The following AK2 variants were observed in gnomAD, a reference collection of about 807,000 sequenced individuals.
The protein encoded by AK2 is adenylate kinase 2.
AK2 carries 15 observed loss-of-function variants against 24.6 expected under a neutral mutation model. The observed-to-expected ratio is 0.61, with a 90% CI of 0.41 to 0.94. The LOEUF (loss-of-function observed/expected upper bound fraction) is 0.94, where lower values mean the gene tolerates loss of function less well. Ranked by LOEUF, AK2 falls within the 40% of genes least tolerant of loss-of-function variation. The pLI, the probability that AK2 is intolerant of heterozygous loss-of-function variation, is 0.00. For missense variants in AK2, 257 were observed against 304.1 expected (o/e 0.85, Z 1.15); for synonymous variants, 102 against 114.0 (o/e 0.90, Z 0.67).
At chr1:33,034,869 C>T (rs925441721) in intron 1 of AK2, among the ~76,000 whole-genome samples, 3 of 151,914 alleles carry the variant, frequency 2.0e-5, no homozygotes, top group Non-Finnish European at 2.9e-5. Flanking sequence ...GGCAACATAG[C>T]AAGACCCTGT....
rs548279974 is a variant in AK2 at position 33,021,729 on chromosome 1, T to C, written c.220-26A>G. On this transcript the variant is annotated intron_variant, in intron 2 of 5. Coordinates refer to ENST00000672715, the MANE Select transcript of AK2 (RefSeq NM_001625.4). ...CTGGAAGTTAGGAACAAAATAGCCT[T>C]GGGTTTAAATCCATTACCTAGGTGA... 3.8e-6 allele frequency: 6 copies of C among 1,573,434 alleles called. No individual in the cohort carries two copies. In the East Asian group the frequency reaches 6.7e-5, roughly 18 times the overall value.
rs1436791246 is a variant in AK2, at chr1:33,008,038, T to A, written c.*5143A>T. The A allele has an allele frequency of 1.3e-5, 6 of 453,994 alleles. No individual in the cohort carries two copies. Among genetic ancestry groups the A allele is most frequent in the African/African-American group, 4.0e-5 (2 of 49,990 alleles). 28.1% of individuals were successfully genotyped at this position (453,994 alleles called of 1,614,324 possible). A position where few individuals can be genotyped will look rare whatever the true frequency, so the allele number is the denominator to read the frequency against. ...GACTATTATTAATTATGAAAACACA[T>A]AAAGAATTCTGCATATAATTTCAGA... On this transcript the variant is annotated 3_prime_UTR_variant, in exon 6 of 6. Transcript: ENST00000672715.
chr1:33,031,129 G>T (rs1248801255), intron 1 of AK2: 1 of 152,234 alleles, frequency 6.6e-6, no homozygotes, highest in Admixed American at 6.5e-5. Context: ...GAGAACTTCA[G>T]CAAATTGTAG....
chr1:33,033,830 T>C lies in AK2; in HGVS notation c.93+2906A>G, dbSNP rs78981794. On this transcript the variant is annotated intron_variant, in intron 1 of 5. Transcript: ENST00000672715. Reference sequence around the variant, plus strand: ...AAAGTTAAGGTGTATGAGATGTCTCTGCAGGCTAAATGTTATTGTAGGCTA... The same window carrying C: ...AAAGTTAAGGTGTATGAGATGTCTCCGCAGGCTAAATGTTATTGTAGGCTA... Among the ~76,000 whole-genome samples, 98 of 152,324 alleles carry C rather than the reference T, an allele frequency of 6.4e-4. 1 individual carries two copies. In the East Asian group the frequency reaches 0.016, roughly 25 times the overall value.
chr1:33,025,284 G>C (rs1475629528), intron 1 of AK2, among the ~76,000 whole-genome samples: 3 of 151,802 alleles, frequency 2.0e-5, no homozygotes, highest in African/African-American at 7.3e-5. Flanking sequence ...TAATGCACTT[G>C]GTACAACACC....
intron 4 of AK2, chr1:33,020,185 T>G: frequency 8.9e-7 from 1 of 1,124,066 alleles, no homozygotes; most frequent in Non-Finnish European, 1.2e-6. Flanking sequence ...ACAAACATGT[T>G]AAAACACACA....
In AK2 at chr1:33,021,747, C is replaced by A. The variant is rs775406905; in HGVS notation, c.220-44G>T. ...ATAGCCTTGGGTTTAAATCCATTACCTAGGTGACTGACATTAGCCCAACTC... is the reference window on the plus strand; with the variant it reads ...ATAGCCTTGGGTTTAAATCCATTACATAGGTGACTGACATTAGCCCAACTC... On this transcript the variant is annotated intron_variant, in intron 2 of 5. Coordinates refer to ENST00000672715, the MANE Select transcript of AK2 (RefSeq NM_001625.4). 48 of 1,477,988 alleles carry A rather than the reference C, an allele frequency of 3.2e-5. No homozygotes were observed. The South Asian group carries it at 4.8e-4, about 15-fold the overall frequency. 91.6% of individuals were successfully genotyped at this position (1,477,988 alleles called of 1,614,324 possible).
At position 33,009,199 on chromosome 1, in the gene AK2, G is replaced by A; in HGVS notation, c.*3982C>T. On this transcript the variant is annotated 3_prime_UTR_variant, in exon 6 of 6. Coordinates refer to ENST00000672715, the MANE Select transcript of AK2 (RefSeq NM_001625.4). Reference sequence around the variant, plus strand: ...GAAGAATAGTGGTGCTTCCAGCCCAGCTCCCTCTTGTTTTGGGAACAACAG... The same window carrying A: ...GAAGAATAGTGGTGCTTCCAGCCCAACTCCCTCTTGTTTTGGGAACAACAG... The A allele has an allele frequency of 2.2e-6, 1 of 453,642 alleles. No individual in the cohort carries two copies. Among genetic ancestry groups the A allele is most frequent in the Non-Finnish European group, 4.4e-6 (1 of 226,554 alleles). 28.1% of individuals were successfully genotyped at this position (453,642 alleles called of 1,614,324 possible).
chr1:33,019,565 G>GAA, intron 4 of AK2: 5 of 957,800 alleles, frequency 5.2e-6, no homozygotes, highest in Non-Finnish European at 6.2e-6. Flanking sequence ...CATTTGAAAA[G>GAA]AAAATGAATA....
Position 33,012,488 on chromosome 1 carries a change from A to C in AK2, c.*693T>G, listed in dbSNP as rs567575346. The C allele has an allele frequency of 1.7e-4, 234 of 1,388,534 alleles. 1 individual carries two copies. The South Asian group carries it at 2.6e-3, about 16-fold the overall frequency. The allele number at this position is 1,388,534 out of a possible 1,614,324, so 86.0% of individuals were successfully genotyped here. The stretch of plus-strand genomic sequence containing the variant: ...TGACTTCACATGATCCTGGACTTCT[A>C]ATCAGCTGCTGGAAATGGAAGAAAT... On this transcript the variant is annotated 3_prime_UTR_variant, in exon 6 of 6. Transcript: ENST00000672715.
At chr1:33,020,188 AACACACACACACACACACAC>A (rs56098182) in intron 4 of AK2, 68 of 876,828 alleles carry the variant, frequency 7.8e-5, no homozygotes, top group Middle Eastern at 2.2e-4. Context: ...AACATGTTAA[AACACACACACACACACACAC>A]ACACACACAC....
intron 1 of AK2, among the ~76,000 whole-genome samples, chr1:33,030,677 ATGTAT>A (rs1640184001): frequency 6.6e-6 from 1 of 152,258 alleles, no homozygotes; most frequent in Admixed American, 6.5e-5. Flanking sequence ...GGTACTTAGT[ATGTAT>A]AATACATAAT....
intron 1 of AK2, 105 bp downstream of exon 1, chr1:33,036,631 T>G (rs1640596798): frequency 9.1e-7 from 1 of 1,100,096 alleles, no homozygotes; most frequent in Non-Finnish European, 1.4e-6. Flanking sequence ...CCCGCAGGCC[T>G]TAGTCCCCGG....
In AK2 at chr1:33,012,139, C is replaced by T; in HGVS notation, c.*1042G>A. On this transcript the variant is annotated 3_prime_UTR_variant, in exon 6 of 6. Transcript: ENST00000672715. ...ATGATCAGCCTGGATGTTCAGAAGA[C>T]AATCTGAATTCAAAAGGACCTTTCA... 6.5e-7 allele frequency: 1 copy of T among 1,535,406 alleles called. No individual in the cohort carries two copies. Among genetic ancestry groups the T allele is most frequent in the Non-Finnish European group, 8.7e-7 (1 of 1,146,714 alleles).
At chr1:33,016,093 T>C (rs1299429078) in intron 4 of AK2, among the ~76,000 whole-genome samples, 2 of 152,096 alleles carry the variant, frequency 1.3e-5, no homozygotes, top group East Asian at 1.9e-4. Context: ...TTGGTATCCA[T>C]GGGGGGATTG....
At chr1:33,021,548 G>A in intron 3 of AK2, 45 bp downstream of exon 3, 1 of 1,606,618 alleles carries the variant, frequency 6.2e-7, no homozygotes, top group Non-Finnish European at 8.5e-7. Flanking sequence ...CAAAGGACAA[G>A]AATTTGGTTT....
intron 1 of AK2, among the ~76,000 whole-genome samples, chr1:33,028,798 AT>A (rs1640062114): frequency 6.6e-6 from 1 of 152,104 alleles, no homozygotes; most frequent in Non-Finnish European, 1.5e-5. Context: ...TGGTTCTCAA[AT>A]TTCAGTGTAT....
rs745367513 is a variant in AK2 at position 33,008,737 on chromosome 1, T to C, written c.*4444A>G. The C allele has an allele frequency of 2.2e-6, 1 of 454,124 alleles. No individual in the cohort carries two copies. The highest frequency in any genetic ancestry group is 1.6e-5 in the South Asian group (1 of 64,478). The allele number at this position is 454,124 out of a possible 1,614,324, so 28.1% of individuals were successfully genotyped here. On this transcript the variant is annotated 3_prime_UTR_variant, in exon 6 of 6. Transcript: ENST00000672715. ...ACTCCACAGGGTGCTGTGTGAGGGT[T>C]ACGTGAAGTCGAGGGTTACATGAAG...
intron 2 of AK2, chr1:33,024,218 C>A (rs1239723386): frequency 3.3e-6 from 2 of 609,116 alleles, no homozygotes; most frequent in East Asian, 3.1e-5. Context: ...TGTTAAAACA[C>A]CCTCTAGCAC....
Sources: gnomAD v4.1 joint callset for allele counts (sites outside exome capture counted in the v4.1 genomes callset) on GRCh38, gnomAD v4.1.1 for gene constraint, MANE v1.5 for transcripts, NCBI Gene and HGNC (gene_info 2026-07-23, HGNC 2026-07-21) for gene names.